The following NSG2 variants were observed in gnomAD, a reference collection of about 807,000 sequenced individuals.
NSG2 encodes neuronal vesicle trafficking associated 2.
In NSG2, 4 loss-of-function variants were observed where a neutral mutation model predicts 16.9. That is an observed-to-expected ratio of 0.24 (90% CI 0.12 to 0.54). The LOEUF is 0.54. NSG2 is among the 20% of genes least tolerant of loss of function. NSG2 has a pLI of 0.95. For missense variants in NSG2, 179 were observed against 221.1 expected (o/e 0.81, Z 1.21); for synonymous variants, 98 against 88.7 (o/e 1.11, Z -0.59).
intron 1 of NSG2, chr5:174,046,163 G>C (rs1244083213): frequency 6.6e-6 from 1 of 151,926 alleles, no homozygotes; most frequent in East Asian, 1.9e-4. Context: ...ACAGGATCAG[G>C]TTCAAGCTAG....
intron 2 of NSG2, among the ~76,000 whole-genome samples, chr5:174,061,702 C>T (rs948799008): frequency 1.3e-5 from 2 of 152,138 alleles, no homozygotes; most frequent in African/African-American, 4.8e-5. Flanking sequence ...CTCCCGGGTT[C>T]AAGTGATTCT....
intron 3 of NSG2, among the ~76,000 whole-genome samples, chr5:174,096,648 C>T (rs1311945165): frequency 1.3e-5 from 2 of 152,094 alleles, no homozygotes; most frequent in East Asian, 3.9e-4. Context: ...GGCTGGAGGC[C>T]CAGGAGCAGT....
chr5:174,047,683 T>C (rs946060827), intron 2 of NSG2, among the ~76,000 whole-genome samples: 4 of 152,184 alleles, frequency 2.6e-5, no homozygotes, highest in African/African-American at 9.7e-5. Context: ...AGTGACTGGC[T>C]GATGGCACAT....
chr5:174,078,965 G>T (rs535376801), intron 3 of NSG2, among the ~76,000 whole-genome samples: 1 of 152,046 alleles, frequency 6.6e-6, no homozygotes, highest in Non-Finnish European at 1.5e-5. Context: ...ACATGCACAC[G>T]CACACCCCTT....
intron 3 of NSG2, among the ~76,000 whole-genome samples, chr5:174,096,684 T>C (rs1760798647): frequency 6.8e-6 from 1 of 147,434 alleles, no homozygotes; most frequent in South Asian, 2.2e-4. Flanking sequence ...AGGGGAGAGG[T>C]GATGGTGGTC....
At position 174,108,824 on chromosome 5, in the gene NSG2, TGC is replaced by T; in HGVS notation, c.*1320_*1321del. ...GAATTGGTTATTTGAGATGTGGTACTGCTTCCTCACAAGTCTCCCACAGGCCA... is the reference window on the plus strand; with the variant it reads ...GAATTGGTTATTTGAGATGTGGTACTTTCCTCACAAGTCTCCCACAGGCCA... On this transcript the variant is annotated 3_prime_UTR_variant, in exon 5 of 5. Coordinates refer to ENST00000303177, the MANE Select transcript of NSG2 (RefSeq NM_015980.5). 1 of 152,922 alleles carries T rather than the reference TGC, an allele frequency of 6.5e-6. No individual in the cohort carries two copies. Among genetic ancestry groups the T allele is most frequent in the East Asian group, 1.9e-4 (1 of 5,324 alleles). The allele number at this position is 152,922 out of a possible 1,614,324, so 9.5% of individuals were successfully genotyped here.
At position 174,108,412 on chromosome 5, in the gene NSG2, C is replaced by T. The variant is rs1761019126; in HGVS notation, c.*907C>T. ...CTAGGCCACAAGCGATAAGCACAGG[C>T]ACCTGACTTTTAAGTTTTTGTTTGT... On this transcript the variant is annotated 3_prime_UTR_variant, in exon 5 of 5. Transcript: ENST00000303177. 1 of 152,780 alleles carries T rather than the reference C, an allele frequency of 6.5e-6. No homozygotes were observed. Among genetic ancestry groups the T allele is most frequent in the East Asian group, 1.9e-4 (1 of 5,318 alleles). The allele number at this position is 152,780 out of a possible 1,614,324, so 9.5% of individuals were successfully genotyped here. A position where few individuals can be genotyped will look rare whatever the true frequency, so the allele number is the denominator to read the frequency against.
intron 2 of NSG2, among the ~76,000 whole-genome samples, chr5:174,048,452 G>A (rs1430153635): frequency 6.6e-6 from 1 of 152,168 alleles, no homozygotes; most frequent in Non-Finnish European, 1.5e-5. Context: ...ATTTGTAGAT[G>A]AAAATTTGGT....
intron 4 of NSG2, among the ~76,000 whole-genome samples, chr5:174,105,184 T>A (rs895967054): frequency 2.0e-5 from 3 of 152,048 alleles, no homozygotes; most frequent in African/African-American, 7.3e-5. Flanking sequence ...ATGTAGAGAG[T>A]GTTTAGTTAA....
At chr5:174,058,445 A>G (rs2113427013) in intron 2 of NSG2, among the ~76,000 whole-genome samples, 1 of 152,328 alleles carries the variant, frequency 6.6e-6, no homozygotes, top group Admixed American at 6.5e-5. Context: ...AAACAAACAA[A>G]GAAACAAAAA....
At chr5:174,070,688 G>C (rs1454190770) in intron 3 of NSG2, among the ~76,000 whole-genome samples, 1 of 152,190 alleles carries the variant, frequency 6.6e-6, no homozygotes, top group Non-Finnish European at 1.5e-5. Context: ...GCTCTTCCTG[G>C]AGTCAGCAAC....
intron 3 of NSG2, among the ~76,000 whole-genome samples, chr5:174,090,027 A>G (rs1218671970): frequency 1.3e-5 from 2 of 152,142 alleles, no homozygotes; most frequent in East Asian, 3.9e-4. Flanking sequence ...AGTAAAGCAT[A>G]GCTCGTTACA....
At chr5:174,077,713 T>G (rs6891369) in intron 3 of NSG2, among the ~76,000 whole-genome samples, 2 of 152,096 alleles carry the variant, frequency 1.3e-5, no homozygotes, top group Non-Finnish European at 2.9e-5. Flanking sequence ...ATTGGTCATC[T>G]TTCCCTCCTT....
intron 3 of NSG2, among the ~76,000 whole-genome samples, chr5:174,070,009 C>G (rs1041673166): frequency 1.3e-5 from 2 of 151,610 alleles, no homozygotes; most frequent in African/African-American, 4.9e-5. Context: ...TCCCAAAGAG[C>G]TGGGACTACA....
Position 174,104,258 on chromosome 5 carries a change from T to C in NSG2, c.244T>C (p.Phe82Leu). 5.0e-6 allele frequency: 8 copies of C among 1,614,150 alleles called. No homozygotes were observed. Among genetic ancestry groups the C allele is most frequent in the Non-Finnish European group, 6.8e-6 (8 of 1,180,008 alleles). Reference protein sequence around the residue: ...VTILVSLALAFLACIVFLVVY... With the variant: ...VTILVSLALALLACIVFLVVY... ...CATCCTTGTCAGCCTGGCCCTAGCT[T>C]TCCTTGCGTGCATCGTGTTCCTGGT... is the stretch of plus-strand genomic sequence containing the variant. Residue 82 changes from phenylalanine to leucine, a missense_variant, in exon 4 of 5, where the codon TTC becomes CTC. Physicochemically the swap from Phe to Leu is conservative, Grantham distance 22. Coordinates refer to ENST00000303177, the MANE Select transcript of NSG2 (RefSeq NM_015980.5).
At chr5:174,073,701 C>T (rs1212380407) in intron 3 of NSG2, among the ~76,000 whole-genome samples, 1 of 152,190 alleles carries the variant, frequency 6.6e-6, no homozygotes, top group Admixed American at 6.5e-5. Context: ...AGAAAACACA[C>T]ATTGTGCTGC....
At chr5:174,083,219 A>G (rs1760520800) in intron 3 of NSG2, among the ~76,000 whole-genome samples, 1 of 152,186 alleles carries the variant, frequency 6.6e-6, no homozygotes, top group Non-Finnish European at 1.5e-5. Flanking sequence ...CGTATACGTC[A>G]TCCCTGACTC....
Position 174,072,825 on chromosome 5 carries a change from A to C in NSG2, c.213+8510A>C, listed in dbSNP as rs1365667480. ...ATGGCAAAACCCCATCTCTACAAAAAATGCAAAAAATTAACTGGATGTGGT... is the reference window on the plus strand; with the variant it reads ...ATGGCAAAACCCCATCTCTACAAAACATGCAAAAAATTAACTGGATGTGGT... On this transcript the variant is annotated intron_variant, in intron 3 of 4. Coordinates refer to ENST00000303177, the MANE Select transcript of NSG2 (RefSeq NM_015980.5). The surrounding 1 kb of genome is among the most constrained non-coding windows in gnomAD (Gnocchi z 4.0). Among the ~76,000 whole-genome samples the C allele has an allele frequency of 6.6e-6, 1 of 152,172 alleles. No homozygotes were observed. The highest frequency in any genetic ancestry group is 1.5e-5 in the Non-Finnish European group (1 of 68,036).
intron 3 of NSG2, chr5:174,082,486 T>C (rs1760498686): frequency 1.3e-5 from 2 of 152,256 alleles, no homozygotes; most frequent in Non-Finnish European, 2.9e-5. Flanking sequence ...CAGCACATGG[T>C]CTTTCCTTCT....
Sources: gnomAD v4.1 joint callset for allele counts (sites outside exome capture counted in the v4.1 genomes callset) on GRCh38, gnomAD v4.1.1 for gene constraint, Gnocchi (gnomAD v3.1) non-coding constraint, MANE v1.5 for transcripts, NCBI Gene and HGNC (gene_info 2026-07-23, HGNC 2026-07-21) for gene names.